TMEM50B: variants seen among roughly 807,000 people sequenced by gnomAD.
TMEM50B encodes the protein transmembrane protein 50B.
Under a neutral mutation model 23.4 loss-of-function variants are expected in TMEM50B, and 14 were observed. The ratio of observed to expected loss-of-function variants is 0.60; its 90% CI spans 0.39 to 0.93. TMEM50B has a LOEUF of 0.93. Ranked by LOEUF, TMEM50B falls within the 40% of genes least tolerant of loss-of-function variation. TMEM50B has a pLI of 0.00. For synonymous variants in TMEM50B, 64 were observed against 62.3 expected, an observed-to-expected ratio of 1.03 and a Z score of -0.13; for missense variants, 159 against 193.0, an observed-to-expected ratio of 0.82 and a Z score of 1.04.
At chr21:33,477,620 C>G (rs1351652663) in intron 1 of TMEM50B, among the ~76,000 whole-genome samples, 2 of 138,468 alleles carry the variant, frequency 1.4e-5, no homozygotes, top group Non-Finnish European at 3.1e-5. Context: ...GGGGGGGTTA[C>G]CTGAGGTCAG....
intron 6 of TMEM50B, among the ~76,000 whole-genome samples, chr21:33,454,953 C>T (rs775557371): frequency 6.6e-6 from 1 of 151,958 alleles, no homozygotes; most frequent in Non-Finnish European, 1.5e-5. Flanking sequence ...CTCGTCTCTA[C>T]TAAAATACAA....
At position 33,442,393 on chromosome 21, in the gene TMEM50B, C is replaced by T. The variant is rs372694353; in HGVS notation, c.*2037-3096G>A. On this transcript the variant is annotated intron_variant and NMD_transcript_variant, in intron 7 of 8. Transcript: ENST00000420455. ...AACTGGTCAGAGTGGTTACTTGGGA[C>T]CTGGGGCCTCAGAGCCACCCGTTGC... Among the ~76,000 whole-genome samples the T allele has an allele frequency of 2.5e-4, 38 of 152,272 alleles. 1 individual carries two copies. In the East Asian group the frequency reaches 6.8e-3, roughly 27 times the overall value.
At chr21:33,446,223 TA>T (rs1443837850), downstream of TMEM50B, among the ~76,000 whole-genome samples, 8 of 143,832 alleles carry the variant, frequency 5.6e-5, no homozygotes, top group Admixed American at 3.0e-4. Flanking sequence ...ATTTTTCTTT[TA>T]TTTTTTTTAT....
In TMEM50B at chr21:33,437,314, C is replaced by T. The variant is rs121913222; in HGVS notation, c.*2120+1900G>A. Reference sequence around the variant, plus strand: ...GGGCTGAGCAGTCAGAAGACCTGGTCGTCGTCTTGACTTTGGCAAATGAGC... The same window carrying T: ...GGGCTGAGCAGTCAGAAGACCTGGTTGTCGTCTTGACTTTGGCAAATGAGC... On this transcript the variant is annotated intron_variant and NMD_transcript_variant, in intron 8 of 8. Coordinates refer to the TMEM50B transcript ENST00000420455. 5 of 261,786 alleles carry T rather than the reference C, an allele frequency of 1.9e-5. No homozygotes were observed. The highest frequency in any genetic ancestry group is 2.3e-5 in the Non-Finnish European group (3 of 133,086). The allele number at this position is 261,786 out of a possible 1,614,324, so 16.2% of individuals were successfully genotyped here. A position where few individuals can be genotyped will look rare whatever the true frequency, so the allele number is the denominator to read the frequency against.
rs747433937 is a variant in TMEM50B, at chr21:33,465,454, TA to T, written c.213-46del. 9.0e-6 allele frequency: 13 copies of T among 1,441,336 alleles called. No homozygotes were observed. In the Admixed American group the frequency reaches 2.0e-4, roughly 22 times the overall value. 89.3% of individuals were successfully genotyped at this position (1,441,336 alleles called of 1,614,324 possible). A position where few individuals can be genotyped will look rare whatever the true frequency, so the allele number is the denominator to read the frequency against. The stretch of plus-strand genomic sequence containing the variant: ...TCAAATGAATTTCAGTATTCGCTGT[TA>T]AAATACTCAAATATTTATATAACAC... On this transcript the variant is annotated intron_variant, in intron 3 of 6. Transcript: ENST00000542230.
At chr21:33,475,637 C>T (rs2084362583) in intron 1 of TMEM50B, among the ~76,000 whole-genome samples, 1 of 151,834 alleles carries the variant, frequency 6.6e-6, no homozygotes, top group Non-Finnish European at 1.5e-5. Flanking sequence ...TGAGCCACCG[C>T]GCCCAGGAAG....
At chr21:33,433,542 A>C (rs2083911381) in intron 8 of TMEM50B, among the ~76,000 whole-genome samples, 1 of 152,148 alleles carries the variant, frequency 6.6e-6, no homozygotes, top group Admixed American at 6.6e-5. Flanking sequence ...TTCCACTTAA[A>C]TGAGGTCCCC....
chr21:33,460,407 A>G lies in TMEM50B; in HGVS notation c.373+6T>C. On this transcript the variant is annotated splice_donor_region_variant and intron_variant, in intron 5 of 6. Transcript: ENST00000542230. ...CCTATAAAATACAAGAAGAATATAT[A>G]CTTACTTTGGGTAACATATGCACCA... is the stretch of plus-strand genomic sequence containing the variant. 1 of 1,553,858 alleles carries G rather than the reference A, an allele frequency of 6.4e-7. No individual in the cohort carries two copies. The highest frequency in any genetic ancestry group is 8.9e-7 in the Non-Finnish European group (1 of 1,127,326).
chr21:33,474,106 A>T (rs1042577961), intron 1 of TMEM50B, among the ~76,000 whole-genome samples: 2 of 152,040 alleles, frequency 1.3e-5, no homozygotes, highest in African/African-American at 2.4e-5. Context: ...TAAATACTAA[A>T]AATCATTCGA....
At chr21:33,438,085 G>T in intron 8 of TMEM50B, among the ~76,000 whole-genome samples, 1 of 151,762 alleles carries the variant, frequency 6.6e-6, no homozygotes, top group Non-Finnish European at 1.5e-5. Flanking sequence ...AGGAGTTTGA[G>T]AACAGCCTGG....
chr21:33,447,415 C>T (rs1378747508), downstream of TMEM50B, among the ~76,000 whole-genome samples: 1 of 152,016 alleles, frequency 6.6e-6, no homozygotes, highest in Non-Finnish European at 1.5e-5. Flanking sequence ...CACGGCGTTC[C>T]AGCCTGGGCA....
chr21:33,446,655 C>CAAA (rs869154931), downstream of TMEM50B, among the ~76,000 whole-genome samples: 312 of 19,124 alleles, frequency 0.016, 24 homozygotes, highest in Middle Eastern at 0.033. Flanking sequence ...CACACACACA[C>CAAA]AAAAAAAAAA....
intron 5 of TMEM50B, among the ~76,000 whole-genome samples, chr21:33,456,737 C>G (rs2084171845): frequency 6.6e-6 from 1 of 152,094 alleles, no homozygotes; most frequent in South Asian, 2.1e-4. Context: ...TCTTCATTTC[C>G]TCACCTGTAA....
At chr21:33,447,345 G>GCTACTCAGTAA (rs1232135422), downstream of TMEM50B, among the ~76,000 whole-genome samples, 1 of 66,398 alleles carries the variant, frequency 1.5e-5, no homozygotes, top group Non-Finnish European at 2.7e-5. Flanking sequence ...ACCTATAGTA[G>GCTACTCAGTAA]ACTGAGGGGA....
downstream of TMEM50B, among the ~76,000 whole-genome samples, chr21:33,447,696 A>C (rs1434375353): frequency 9.3e-6 from 1 of 107,560 alleles, no homozygotes; most frequent in African/African-American, 3.8e-5. Context: ...ACACACACAC[A>C]CACACACACA....
chr21:33,439,820 G>C lies in TMEM50B; in HGVS notation c.*2037-523C>G, dbSNP rs1381230812. Among the ~76,000 whole-genome samples the C allele has an allele frequency of 3.8e-4, 58 of 152,022 alleles. 1 individual carries two copies. Among genetic ancestry groups the C allele is most frequent in the Non-Finnish European group, 1.2e-4 (8 of 67,948 alleles). On this transcript the variant is annotated intron_variant and NMD_transcript_variant, in intron 7 of 8. Transcript: ENST00000420455. ...CCGAGCACTTTGAGACCCTGAGGTG[G>C]GTGGATCATGAGGTCAGGAGTTTGA...
At chr21:33,441,475 T>C (rs1260529150) in intron 7 of TMEM50B, among the ~76,000 whole-genome samples, 4 of 152,110 alleles carry the variant, frequency 2.6e-5, no homozygotes, top group African/African-American at 9.7e-5. Flanking sequence ...TTAAGATAAT[T>C]ATCCTTGGCT....
intron 6 of TMEM50B, among the ~76,000 whole-genome samples, chr21:33,454,512 G>A (rs565081225): frequency 3.9e-5 from 6 of 152,156 alleles, no homozygotes; most frequent in South Asian, 2.1e-4. Context: ...TGTTGGCCAG[G>A]CTGGTCTCGA....
chr21:33,462,743 C>T (rs1478531054), intron 4 of TMEM50B, among the ~76,000 whole-genome samples: 1 of 152,208 alleles, frequency 6.6e-6, no homozygotes, highest in Non-Finnish European at 1.5e-5. Flanking sequence ...TGATGGAGTA[C>T]ATTATTGTAT....
Sources: allele counts gnomAD v4.1 joint callset (sites outside exome capture counted in the v4.1 genomes callset), GRCh38; gene constraint gnomAD v4.1.1; transcripts MANE v1.5; gene names NCBI Gene and HGNC (gene_info 2026-07-23, HGNC 2026-07-21).